The following RGS6 variants were observed in gnomAD, a reference collection of about 807,000 sequenced individuals.
The protein encoded by RGS6 is regulator of G protein signaling 6.
Under a neutral mutation model 78.5 loss-of-function variants are expected in RGS6, and 30 were observed. That is an observed-to-expected ratio of 0.38 (90% CI 0.29 to 0.52). The LOEUF (loss-of-function observed/expected upper bound fraction) is 0.52. RGS6 is among the 20% of genes least tolerant of loss of function. The pLI, the probability that RGS6 is intolerant of heterozygous loss-of-function variation, is 0.85. For synonymous variants in RGS6, 206 were observed against 206.0 expected (o/e 1.00, Z 0.00); for missense variants, 495 against 609.7 (o/e 0.81, Z 1.98).
intron 13 of RGS6, among the ~76,000 whole-genome samples, chr14:72,508,024 G>T (rs2096830646): frequency 6.6e-6 from 1 of 152,230 alleles, no homozygotes; most frequent in Non-Finnish European, 1.5e-5. Context: ...TTGCGTTTGA[G>T]AGAATCCAGG....
intron 2 of RGS6, among the ~76,000 whole-genome samples, chr14:72,263,917 T>C (rs188362950): frequency 3.8e-4 from 58 of 152,364 alleles, no homozygotes; most frequent in African/African-American, 1.3e-3. Flanking sequence ...CCTGAAATTC[T>C]TGGGGTCAAG....
chr14:72,249,388 C>T (rs2055050133), intron 2 of RGS6, among the ~76,000 whole-genome samples: 1 of 152,116 alleles, frequency 6.6e-6, no homozygotes, highest in South Asian at 2.1e-4. Context: ...ACATTCCTAC[C>T]AATAGGGATG....
chr14:72,478,728 CAT>C (rs2096298458), intron 12 of RGS6, among the ~76,000 whole-genome samples: 1 of 152,190 alleles, frequency 6.6e-6, no homozygotes, highest in African/African-American at 2.4e-5. Flanking sequence ...GTGCTGGCTG[CAT>C]AGACAGGAGG....
At chr14:72,144,739 A>G (rs1014773025) in intron 2 of RGS6, among the ~76,000 whole-genome samples, 1 of 151,012 alleles carries the variant, frequency 6.6e-6, no homozygotes, top group Non-Finnish European at 1.5e-5. Flanking sequence ...GGAGACATTC[A>G]TGATTCATTT....
chr14:72,475,834 A>G (rs977183185), intron 10 of RGS6, among the ~76,000 whole-genome samples: 4 of 151,156 alleles, frequency 2.6e-5, no homozygotes, highest in Non-Finnish European at 4.4e-5. Flanking sequence ...ATACACGCAC[A>G]CACACACACA....
chr14:72,503,754 C>G lies in RGS6; in HGVS notation c.966-6400C>G, dbSNP rs557678818. ...GCCCCACCTCCATAGCTCTCCTGGG[C>G]TGGAGTCATACACCCATGGCTTTCC... On this transcript the variant is annotated intron_variant, in intron 13 of 17. Coordinates refer to ENST00000553525, the MANE Select transcript of RGS6 (RefSeq NM_001204424.2). Among the ~76,000 whole-genome samples the G allele has an allele frequency of 4.6e-5, 7 of 152,236 alleles. No homozygotes were observed. In the East Asian group the frequency reaches 9.7e-4, roughly 21 times the overall value.
chr14:72,477,807 A>G (rs945017977), intron 11 of RGS6, among the ~76,000 whole-genome samples: 4 of 147,016 alleles, frequency 2.7e-5, no homozygotes, highest in African/African-American at 9.9e-5. Context: ...AAAAAAAAAA[A>G]AGAAAAAAAG....
chr14:72,269,572 T>A (rs879385074), intron 2 of RGS6, among the ~76,000 whole-genome samples: 8,412 of 41,026 alleles, frequency 0.21, 417 homozygotes, highest in East Asian at 0.54. Flanking sequence ...CTTAAATTTT[T>A]TTTTTTTTTT....
At chr14:72,240,455 T>C (rs847261) in intron 2 of RGS6, among the ~76,000 whole-genome samples, 135,580 of 152,220 alleles carry the variant, frequency 0.89, 60,561 homozygotes, top group South Asian at 0.93. Flanking sequence ...GAAGCTGAGC[T>C]GCAGTGTAAA....
At chr14:72,070,217 CTG>C (rs940684864) in intron 2 of RGS6, among the ~76,000 whole-genome samples, 4 of 152,046 alleles carry the variant, frequency 2.6e-5, no homozygotes, top group African/African-American at 9.7e-5. Context: ...CCACTGTGAG[CTG>C]TTCATTTTTC....
Position 72,125,471 on chromosome 14 carries a change from CCATCAGATAGCAAGCT to C in RGS6, c.84+160597_84+160612del, listed in dbSNP as rs570912969. Among the ~76,000 whole-genome samples the C allele has an allele frequency of 1.1e-3, 169 of 152,250 alleles. 1 individual carries two copies. Among genetic ancestry groups the C allele is most frequent in the African/African-American group, 3.2e-3 (135 of 41,556 alleles). ...GATAACCCAACCAGGCCCCTTATTC[CCATCAGATAGCAAGCT>C]AATCACTGAGACAACAAGCTTTGCA... On this transcript the variant is annotated intron_variant, in intron 2 of 17. Coordinates refer to ENST00000553525, the MANE Select transcript of RGS6 (RefSeq NM_001204424.2).
intron 2 of RGS6, among the ~76,000 whole-genome samples, chr14:72,180,474 G>A (rs1432338198): frequency 6.6e-6 from 1 of 152,222 alleles, no homozygotes; most frequent in Non-Finnish European, 1.5e-5. Context: ...ATAGCATTTT[G>A]TACTACCCTT....
the RGS6 span, among the ~76,000 whole-genome samples, chr14:72,597,037 G>C: frequency 3.9e-5 from 6 of 152,090 alleles, no homozygotes; most frequent in Admixed American, 2.0e-4. Context: ...TCAGGAGTTC[G>C]AGACCAGCCT....
intron 5 of RGS6, among the ~76,000 whole-genome samples, 195 bp from the exon 6 acceptor site, chr14:72,459,437 C>G (rs1205871866): frequency 6.6e-6 from 1 of 152,170 alleles, no homozygotes; most frequent in South Asian, 2.1e-4. Context: ...TGCTTACTTA[C>G]ATTTTGCTTC....
intron 2 of RGS6, among the ~76,000 whole-genome samples, chr14:72,104,617 A>C (rs956947): frequency 0.79 from 120,243 of 152,122 alleles, 47,823 homozygotes; most frequent in Middle Eastern, 0.83. Context: ...TGCCTCAGTT[A>C]CCCCACACCT....
intron 2 of RGS6, among the ~76,000 whole-genome samples, chr14:72,007,035 A>G (rs2084701691): frequency 6.6e-6 from 1 of 152,154 alleles, no homozygotes; most frequent in Non-Finnish European, 1.5e-5. Flanking sequence ...GGCAAAAAAA[A>G]GAAAGAAAAA....
At chr14:71,891,154 T>C in the RGS6 span, among the ~76,000 whole-genome samples, 5 of 152,204 alleles carry the variant, frequency 3.3e-5, no homozygotes, top group African/African-American at 7.2e-5. Context: ...TATTGTAGTT[T>C]GTAAAATTCT....
the RGS6 span, among the ~76,000 whole-genome samples, chr14:71,883,751 C>T: frequency 6.6e-6 from 1 of 152,206 alleles, no homozygotes; most frequent in South Asian, 2.1e-4. Context: ...CTGCTCATCA[C>T]ATGCTAATTA....
intron 2 of RGS6, among the ~76,000 whole-genome samples, chr14:72,178,467 C>T (rs1048520595): frequency 5.3e-5 from 8 of 152,222 alleles, no homozygotes; most frequent in African/African-American, 1.9e-4. Context: ...TTCGCTCTTT[C>T]AAGAGCTGCA....
Sources: gnomAD v4.1 joint callset for allele counts (sites outside exome capture counted in the v4.1 genomes callset) on GRCh38, gnomAD v4.1.1 for gene constraint, MANE v1.5 for transcripts, NCBI Gene and HGNC (gene_info 2026-07-23, HGNC 2026-07-21) for gene names.